The following CCBE1 variants were observed in gnomAD, a reference collection of about 807,000 sequenced individuals.
CCBE1 encodes the protein collagen and calcium binding EGF domains 1.
CCBE1 carries 37 observed loss-of-function variants against 50.0 expected under a neutral mutation model. The observed-to-expected ratio is 0.74, with a 90% CI of 0.57 to 0.97. The LOEUF is 0.97. Ranked by LOEUF, CCBE1 falls within the 50% of genes least tolerant of loss-of-function variation. The pLI is 0.00. For synonymous variants in CCBE1, 234 were observed against 203.7 expected (o/e 1.15, Z -1.27); for missense variants, 538 against 523.8 (o/e 1.03, Z -0.26).
Position 59,603,367 on chromosome 18 carries a change from G to T in CCBE1, c.212+93262C>A, listed in dbSNP as rs199948195. Among the ~76,000 whole-genome samples, 47 of 152,288 alleles carry T rather than the reference G, an allele frequency of 3.1e-4. No homozygotes were observed. The East Asian group carries it at 8.3e-3, about 27-fold the overall frequency. ...TCCTTGGTCATAAGGTTCTTGTAAA[G>T]TTTTTATTATTATTTCTAAAACAAT... is the stretch of plus-strand genomic sequence containing the variant. On this transcript the variant is annotated intron_variant, in intron 2 of 10. Transcript: ENST00000439986.
At chr18:59,687,509 A>T (rs2054672001) in intron 2 of CCBE1, among the ~76,000 whole-genome samples, 1 of 152,134 alleles carries the variant, frequency 6.6e-6, no homozygotes, top group Non-Finnish European at 1.5e-5. Context: ...CCAAAATACC[A>T]TTATCAGACT....
At chr18:59,629,700 G>C (rs539526028) in intron 2 of CCBE1, among the ~76,000 whole-genome samples, 1 of 152,208 alleles carries the variant, frequency 6.6e-6, no homozygotes, top group Non-Finnish European at 1.5e-5. Flanking sequence ...TAGTATTCTC[G>C]AGTAGTCTCC....
chr18:59,687,932 G>A (rs866480660), intron 2 of CCBE1, among the ~76,000 whole-genome samples: 4 of 152,186 alleles, frequency 2.6e-5, no homozygotes. Flanking sequence ...CTGCCCTCCA[G>A]CTTGGGCAAC....
At chr18:59,509,521 G>T (rs1006075722) in intron 2 of CCBE1, among the ~76,000 whole-genome samples, 7 of 152,130 alleles carry the variant, frequency 4.6e-5, no homozygotes, top group African/African-American at 1.7e-4. Flanking sequence ...TTGCTATTTT[G>T]AATGTAATAC....
In CCBE1 at chr18:59,463,425, C is replaced by T. The variant is rs74255473; in HGVS notation, c.553+3314G>A. Reference sequence around the variant, plus strand: ...TTGATTTTCTCTGACTTACAGCCACCGCCAGGGCACCACACAGCAGGGCCA... The same window carrying T: ...TTGATTTTCTCTGACTTACAGCCACTGCCAGGGCACCACACAGCAGGGCCA... On this transcript the variant is annotated intron_variant, in intron 5 of 10. Transcript: ENST00000439986. Among the ~76,000 whole-genome samples the T allele has an allele frequency of 9.1e-3, 1,393 of 152,320 alleles. 75 individuals are homozygous for T. The East Asian group carries it at 0.15, about 16-fold the overall frequency.
chr18:59,546,638 T>C (rs1915694553), intron 2 of CCBE1, among the ~76,000 whole-genome samples: 1 of 152,226 alleles, frequency 6.6e-6, no homozygotes, highest in Non-Finnish European at 1.5e-5. Flanking sequence ...TTGTATTTTC[T>C]TACTAATTTG....
chr18:59,661,059 T>C (rs2054278116), intron 2 of CCBE1, among the ~76,000 whole-genome samples: 1 of 152,090 alleles, frequency 6.6e-6, no homozygotes, highest in Admixed American at 6.5e-5. Context: ...GGCCAACGCA[T>C]TTTCCCTGGA....
At chr18:59,535,567 A>C (rs1197370999) in intron 2 of CCBE1, among the ~76,000 whole-genome samples, 1 of 152,212 alleles carries the variant, frequency 6.6e-6, no homozygotes, top group African/African-American at 2.4e-5. Context: ...GGGAAAACTG[A>C]GAAATTCAAG....
At chr18:59,518,753 C>A (rs1212274509) in intron 2 of CCBE1, among the ~76,000 whole-genome samples, 1 of 152,210 alleles carries the variant, frequency 6.6e-6, no homozygotes, top group Non-Finnish European at 1.5e-5. Context: ...GGGCCAACTG[C>A]CCACAGCTGG....
At chr18:59,437,670 A>T (rs955556930) in intron 10 of CCBE1, among the ~76,000 whole-genome samples, 3 of 142,124 alleles carry the variant, frequency 2.1e-5, no homozygotes, top group African/African-American at 7.5e-5. Flanking sequence ...CAGGTCCTAA[A>T]CAGCCCTGCG....
At chr18:59,584,236 A>C (rs1344411167) in intron 2 of CCBE1, among the ~76,000 whole-genome samples, 1 of 151,886 alleles carries the variant, frequency 6.6e-6, no homozygotes, top group Non-Finnish European at 1.5e-5. Flanking sequence ...CATTCTCAGT[A>C]AACTATCGCA....
chr18:59,608,227 A>G (rs8091273), intron 2 of CCBE1, among the ~76,000 whole-genome samples: 57,658 of 152,116 alleles, frequency 0.38, 11,289 homozygotes, highest in East Asian at 0.65. Context: ...ACTCAGTAGC[A>G]TTTGTCACGA....
At chr18:59,625,442 A>AT (rs201097022) in intron 2 of CCBE1, among the ~76,000 whole-genome samples, 46,422 of 147,370 alleles carry the variant, frequency 0.32, 8,167 homozygotes, top group East Asian at 0.56. Flanking sequence ...AAAAAAAAAA[A>AT]AAAAAAAAAA....
intron 2 of CCBE1, among the ~76,000 whole-genome samples, chr18:59,555,301 T>A (rs1452608552): frequency 6.6e-6 from 1 of 151,668 alleles, no homozygotes; most frequent in Non-Finnish European, 1.5e-5. Flanking sequence ...AGGGAAGGAG[T>A]TGAATTTGAT....
intron 2 of CCBE1, among the ~76,000 whole-genome samples, chr18:59,494,941 G>A (rs999304953): frequency 6.6e-6 from 1 of 152,120 alleles, no homozygotes. Flanking sequence ...ATCACTTGAG[G>A]CCAGGAGTCT....
intron 2 of CCBE1, among the ~76,000 whole-genome samples, chr18:59,540,000 T>G (rs949198016): frequency 6.6e-6 from 1 of 152,242 alleles, no homozygotes; most frequent in Non-Finnish European, 1.5e-5. Flanking sequence ...ATCTCCAGAA[T>G]TCTCTTTGAT....
rs1910333043 is a variant in CCBE1, at chr18:59,439,755, G to GGGCTGCCCAGGAGGGCCT, written c.819_836dup (p.Pro276_Pro281dup). The GGGCTGCCCAGGAGGGCCT allele has an allele frequency of 1.2e-6, 2 of 1,614,160 alleles. No homozygotes were observed. Among genetic ancestry groups the GGGCTGCCCAGGAGGGCCT allele is most frequent in the Non-Finnish European group, 1.7e-6 (2 of 1,180,004 alleles). ...TGGGTCCCATTGAGCCCCGTGGGCC[G>GGGCTGCCCAGGAGGGCCT]GGCTGCCCAGGAGGGCCTGGCATAC... is the stretch of plus-strand genomic sequence containing the variant. On this transcript the variant is annotated inframe_insertion, in exon 8 of 11. Coordinates refer to ENST00000439986, the MANE Select transcript of CCBE1 (RefSeq NM_133459.4).
chr18:59,626,312 G>T (rs992658003), intron 2 of CCBE1, among the ~76,000 whole-genome samples: 5 of 152,176 alleles, frequency 3.3e-5, no homozygotes, highest in African/African-American at 1.2e-4. Flanking sequence ...CATCTGTTTT[G>T]AAAGTCCAAG....
At chr18:59,438,872 G>A (rs754475562) in intron 9 of CCBE1, among the ~76,000 whole-genome samples, 22 of 152,288 alleles carry the variant, frequency 1.4e-4, no homozygotes, top group Non-Finnish European at 2.2e-4. Flanking sequence ...CCTTCAGGCC[G>A]GGAGCGGTGC....
Sources: allele counts gnomAD v4.1 joint callset (sites outside exome capture counted in the v4.1 genomes callset), GRCh38; gene constraint gnomAD v4.1.1; transcripts MANE v1.5; gene names NCBI Gene and HGNC (gene_info 2026-07-23, HGNC 2026-07-21).